MYT1L: variants seen among roughly 807,000 people sequenced by gnomAD.
MYT1L encodes the protein myelin transcription factor 1 like.
In MYT1L, 12 loss-of-function variants were observed where a neutral mutation model predicts 126.7. The ratio of observed to expected loss-of-function variants is 0.09; its 90% CI spans 0.06 to 0.15. The LOEUF (loss-of-function observed/expected upper bound fraction) is 0.15. MYT1L is among the 10% of genes least tolerant of loss of function. MYT1L has a pLI of 1.00. For missense variants in MYT1L, 979 were observed against 1,585.2 expected (o/e 0.62, Z 6.49); for synonymous variants, 541 against 604.2 (o/e 0.90, Z 1.53).
chr2:1,854,819 CCTT>C (rs1438426086), intron 18 of MYT1L, among the ~76,000 whole-genome samples: 2 of 152,200 alleles, frequency 1.3e-5, no homozygotes, highest in Non-Finnish European at 2.9e-5. Context: ...GACGTCGTCT[CCTT>C]CTCTTGAGAC....
intron 1 of MYT1L, among the ~76,000 whole-genome samples, chr2:2,289,862 CTG>C (rs1347701283): frequency 6.6e-6 from 1 of 152,218 alleles, no homozygotes; most frequent in African/African-American, 2.4e-5. Flanking sequence ...TCCAGTTCAC[CTG>C]TGTCATGGCA....
intron 1 of MYT1L, among the ~76,000 whole-genome samples, chr2:2,312,061 G>A (rs2095981512): frequency 6.6e-6 from 1 of 152,184 alleles, no homozygotes; most frequent in Admixed American, 6.5e-5. Flanking sequence ...AGAGACTGCA[G>A]CTGTAGACTT....
intron 1 of MYT1L, among the ~76,000 whole-genome samples, chr2:2,291,378 T>G (rs1361671946): frequency 4.6e-5 from 7 of 152,204 alleles, no homozygotes; most frequent in Non-Finnish European, 8.8e-5. Context: ...AGGTTGGAGC[T>G]GGAACTGAAG....
intron 2 of MYT1L, among the ~76,000 whole-genome samples, chr2:2,177,779 G>A (rs986008605): frequency 6.6e-6 from 1 of 152,152 alleles, no homozygotes; most frequent in Non-Finnish European, 1.5e-5. Context: ...CCACCCCCAC[G>A]ATCCAATCAC....
chr2:2,307,640 C>G (rs2095876109), intron 1 of MYT1L, among the ~76,000 whole-genome samples: 1 of 151,734 alleles, frequency 6.6e-6, no homozygotes, highest in African/African-American at 2.4e-5. Context: ...ATCTCCAGGA[C>G]CTACACTTCA....
intron 3 of MYT1L, among the ~76,000 whole-genome samples, chr2:2,137,731 A>C (rs1421530811): frequency 6.6e-6 from 1 of 152,222 alleles, no homozygotes; most frequent in African/African-American, 2.4e-5. Flanking sequence ...TAAAACCATA[A>C]AAACTCTAGA....
intron 2 of MYT1L, among the ~76,000 whole-genome samples, chr2:2,276,432 G>A (rs935323937): frequency 3.3e-5 from 5 of 152,160 alleles, no homozygotes; most frequent in Non-Finnish European, 5.9e-5. Flanking sequence ...TTACAAATAT[G>A]TCAGTTAATT....
At position 1,793,025 on chromosome 2, in the gene MYT1L, G is replaced by T. The variant is rs950219216; in HGVS notation, c.3277-561C>A. Among the ~76,000 whole-genome samples the T allele has an allele frequency of 6.6e-6, 1 of 152,116 alleles. No homozygotes were observed. The highest frequency in any genetic ancestry group is 1.5e-5 in the Non-Finnish European group (1 of 68,014). ...TCCTGTTCTCTCAGCCGGCCTGATGGGACTGCAGTGTGTAGGGGGCTTGAT... is the reference window on the plus strand; with the variant it reads ...TCCTGTTCTCTCAGCCGGCCTGATGTGACTGCAGTGTGTAGGGGGCTTGAT... On this transcript the variant is annotated intron_variant, in intron 23 of 24. Coordinates refer to ENST00000647738, the MANE Select transcript of MYT1L (RefSeq NM_001303052.2). The surrounding 1 kb of genome is among the most constrained non-coding windows in gnomAD (Gnocchi z 4.6).
chr2:2,101,826 T>A (rs2078131868), intron 3 of MYT1L, among the ~76,000 whole-genome samples: 2 of 152,246 alleles, frequency 1.3e-5, no homozygotes, highest in African/African-American at 4.8e-5. Context: ...AAGTACTTCA[T>A]AAAATGTGCT....
intron 8 of MYT1L, among the ~76,000 whole-genome samples, chr2:1,966,764 T>C (rs11692741): frequency 0.16 from 23,646 of 146,236 alleles, 1,880 homozygotes; most frequent in East Asian, 0.31. Flanking sequence ...GCTCATGTTA[T>C]AATGTTAAGT....
intron 22 of MYT1L, among the ~76,000 whole-genome samples, chr2:1,807,031 A>C (rs2035831055): frequency 6.6e-6 from 1 of 152,214 alleles, no homozygotes; most frequent in Non-Finnish European, 1.5e-5. Context: ...CGGGGTCCTT[A>C]CACTGGCTGC....
chr2:2,326,489 T>C (rs1357227964), intron 1 of MYT1L: 1 of 152,220 alleles, frequency 6.6e-6, no homozygotes. Context: ...CAAGGAAAGC[T>C]TTAAGAGAAT....
chr2:1,994,660 T>C (rs912126173), intron 5 of MYT1L, among the ~76,000 whole-genome samples: 2 of 152,260 alleles, frequency 1.3e-5, no homozygotes, highest in Non-Finnish European at 2.9e-5. Context: ...GTGTTCTGTA[T>C]TGCTGATCTA....
chr2:1,840,476 C>A (rs903926280), intron 20 of MYT1L, among the ~76,000 whole-genome samples: 3 of 152,126 alleles, frequency 2.0e-5, no homozygotes, highest in African/African-American at 7.2e-5. Context: ...GCTTTTCCCA[C>A]CAAGAGGAGA....
chr2:2,161,988 C>A (rs903041636), intron 3 of MYT1L, among the ~76,000 whole-genome samples: 38 of 152,134 alleles, frequency 2.5e-4, no homozygotes, highest in Admixed American at 2.5e-3. Context: ...CGGAAGCAGG[C>A]ACACTTGGTG....
rs143651354 is a variant in MYT1L at position 1,832,747 on chromosome 2, C to T, written c.3080+6402G>A. Reference sequence around the variant, plus strand: ...CCTTCCTCCCTGTGGTGAGCTGTGCCTTTTTTCAAAATTCAGCTCCTGTCT... The same window carrying T: ...CCTTCCTCCCTGTGGTGAGCTGTGCTTTTTTTCAAAATTCAGCTCCTGTCT... On this transcript the variant is annotated intron_variant, in intron 21 of 24. Transcript: ENST00000647738. Among the ~76,000 whole-genome samples the T allele has an allele frequency of 1.0e-3, 158 of 152,274 alleles. 1 individual carries two copies. Among genetic ancestry groups the T allele is most frequent in the African/African-American group, 3.6e-3 (149 of 41,564 alleles).
At chr2:2,263,887 T>C (rs1023204609) in intron 2 of MYT1L, among the ~76,000 whole-genome samples, 1 of 152,190 alleles carries the variant, frequency 6.6e-6, no homozygotes, top group Non-Finnish European at 1.5e-5. Flanking sequence ...TTATATCTGT[T>C]TCTCACTTTA....
intron 1 of MYT1L, among the ~76,000 whole-genome samples, chr2:2,314,962 C>G (rs1186325612): frequency 6.6e-6 from 1 of 152,172 alleles, no homozygotes; most frequent in African/African-American, 2.4e-5. Flanking sequence ...GCTAGGAAAA[C>G]TGGCTAGCCA....
chr2:2,288,474 G>A (rs2095554317), intron 1 of MYT1L, among the ~76,000 whole-genome samples: 1 of 152,176 alleles, frequency 6.6e-6, no homozygotes, highest in East Asian at 1.9e-4. Flanking sequence ...GCGTGCACCA[G>A]CCTCATGTGC....
Sources: gnomAD v4.1 joint callset for allele counts (sites outside exome capture counted in the v4.1 genomes callset) on GRCh38, gnomAD v4.1.1 for gene constraint, Gnocchi (gnomAD v3.1) non-coding constraint, MANE v1.5 for transcripts, NCBI Gene and HGNC (gene_info 2026-07-23, HGNC 2026-07-21) for gene names.